Variants in PARPBP observed in about 807,000 individuals in gnomAD.
PARPBP encodes PARP1 binding protein, also known as PCNA-interacting partner.
In PARPBP, 52 loss-of-function variants were observed where a neutral mutation model predicts 50.0. The observed-to-expected ratio is 1.04, with a 90% CI of 0.83 to 1.31. PARPBP has a LOEUF of 1.31. Ranked by LOEUF, PARPBP falls within the 50% of genes most tolerant of loss-of-function variation. The probability of loss-of-function intolerance (pLI) is 0.00; values close to 1 mark genes in which losing one functional copy is unlikely to be tolerated. For missense variants in PARPBP, 697 were observed against 672.0 expected (o/e 1.04, Z -0.41); for synonymous variants, 244 against 232.1 (o/e 1.05, Z -0.47).
intron 3 of PARPBP, chr12:102,148,918 T>G (rs2138726494): frequency 6.5e-6 from 1 of 153,068 alleles, no homozygotes; most frequent in East Asian, 1.9e-4. Flanking sequence ...TTATGCAATA[T>G]ACATGAGATA....
chr12:102,123,493 T>C (rs1456912744), intron 1 of PARPBP, among the ~76,000 whole-genome samples: 2 of 151,676 alleles, frequency 1.3e-5, no homozygotes, highest in African/African-American at 2.4e-5. Flanking sequence ...AAATTGGCTT[T>C]TTAGGTTTTT....
intron 8 of PARPBP, among the ~76,000 whole-genome samples, chr12:102,180,442 C>G (rs1021217250): frequency 2.0e-5 from 3 of 152,140 alleles, no homozygotes; most frequent in African/African-American, 7.2e-5. Flanking sequence ...GTGTCTTATG[C>G]TAATAATCCC....
chr12:102,195,432 GA>G lies in PARPBP; in HGVS notation c.1388del (p.Asn463MetfsTer7). 2 of 1,588,442 alleles carry G rather than the reference GA, an allele frequency of 1.3e-6. No individual in the cohort carries two copies. Among genetic ancestry groups the G allele is most frequent in the Admixed American group, 1.8e-5 (1 of 56,902 alleles). ...AAAGCCTTTGTGTGTTCTTTACATG[GA>G]AAATGACCTTTCTGGTAATTGACCT... ...ASKPLCVLYM[E>X]NDLSEGVNPS... On this transcript the variant is annotated frameshift_variant, in exon 10 of 11. Coordinates refer to ENST00000327680, the MANE Select transcript of PARPBP (RefSeq NM_017915.5). LOFTEE classifies it low-confidence loss of function (END_TRUNC).
At chr12:102,182,668 T>G in intron 9 of PARPBP, 41 bp downstream of exon 9, 1 of 1,297,016 alleles carries the variant, frequency 7.7e-7, no homozygotes, top group Non-Finnish European at 1.1e-6. Flanking sequence ...AAACACTGTT[T>G]TATTTTTAGA....
chr12:102,130,322 G>C (rs1010312595), intron 2 of PARPBP, among the ~76,000 whole-genome samples: 1 of 152,194 alleles, frequency 6.6e-6, no homozygotes, highest in Admixed American at 6.5e-5. Flanking sequence ...TCTGGACACA[G>C]GCATGGGCAA....
At chr12:102,161,069 G>A (rs917019960) in intron 4 of PARPBP, among the ~76,000 whole-genome samples, 3 of 151,746 alleles carry the variant, frequency 2.0e-5, no homozygotes, top group East Asian at 3.9e-4. Context: ...TCTTTGTAAG[G>A]CACCATAATA....
intron 2 of PARPBP, among the ~76,000 whole-genome samples, chr12:102,132,761 C>CA (rs1454886179): frequency 6.6e-6 from 1 of 152,158 alleles, no homozygotes; most frequent in Non-Finnish European, 1.5e-5. Flanking sequence ...GACATTTTAA[C>CA]AATATTAATT....
At chr12:102,166,691 G>A (rs1888174349) in intron 6 of PARPBP, among the ~76,000 whole-genome samples, 1 of 152,040 alleles carries the variant, frequency 6.6e-6, no homozygotes, top group South Asian at 2.1e-4. Flanking sequence ...AGCAGAGTAG[G>A]GATCTGAACA....
intron 7 of PARPBP, among the ~76,000 whole-genome samples, chr12:102,176,046 G>A (rs1476410736): frequency 1.3e-5 from 2 of 151,000 alleles, no homozygotes; most frequent in Non-Finnish European, 2.9e-5. Flanking sequence ...GCAATGGCAC[G>A]ATCTTGGTTC....
At chr12:102,123,098 G>A (rs1301115490) in intron 1 of PARPBP, among the ~76,000 whole-genome samples, 1 of 152,178 alleles carries the variant, frequency 6.6e-6, no homozygotes, top group Non-Finnish European at 1.5e-5. Flanking sequence ...ATGTCTACCA[G>A]GGAAGCTTAT....
intron 9 of PARPBP, among the ~76,000 whole-genome samples, chr12:102,188,482 C>G (rs1454258515): frequency 1.3e-5 from 2 of 152,022 alleles, no homozygotes; most frequent in Non-Finnish European, 2.9e-5. Flanking sequence ...AAGTGCAACC[C>G]AGCTCTGATG....
intron 4 of PARPBP, 49 bp downstream of exon 4, chr12:102,154,025 A>C: frequency 9.0e-7 from 1 of 1,113,100 alleles, no homozygotes; most frequent in Non-Finnish European, 1.4e-6. Context: ...TCCCTTTCAA[A>C]TCACTGAATT....
At chr12:102,157,837 C>T (rs942811255) in intron 4 of PARPBP, among the ~76,000 whole-genome samples, 12 of 151,388 alleles carry the variant, frequency 7.9e-5, no homozygotes, top group African/African-American at 2.4e-4. Flanking sequence ...TAGTGAGCTT[C>T]TGGCCAGGCA....
chr12:102,127,905 A>C (rs1304972041), intron 2 of PARPBP, among the ~76,000 whole-genome samples: 1 of 152,210 alleles, frequency 6.6e-6, no homozygotes, highest in African/African-American at 2.4e-5. Context: ...TAGTTTTTTA[A>C]ATTGACAAAA....
intron 3 of PARPBP, chr12:102,152,113 C>T (rs779102109): frequency 3.7e-5 from 11 of 297,000 alleles, no homozygotes; most frequent in Non-Finnish European, 5.2e-5. Context: ...GCTGCTTCCT[C>T]GCTCCTCTTC....
intron 6 of PARPBP, among the ~76,000 whole-genome samples, chr12:102,172,806 A>G (rs977674822): frequency 6.6e-6 from 1 of 152,188 alleles, no homozygotes; most frequent in Non-Finnish European, 1.5e-5. Context: ...GATTTTATTA[A>G]CCATTTGAAT....
chr12:102,176,070 C>T (rs1204638678), intron 7 of PARPBP, among the ~76,000 whole-genome samples: 2 of 151,724 alleles, frequency 1.3e-5, no homozygotes, highest in Admixed American at 6.6e-5. Context: ...GCAACCTCTG[C>T]CTCCTGGGTT....
At chr12:102,175,780 C>A in intron 7 of PARPBP, 114 bp downstream of exon 7, 2 of 606,744 alleles carry the variant, frequency 3.3e-6, no homozygotes, top group Non-Finnish European at 5.3e-6. Flanking sequence ...TTCCTGTGTT[C>A]TAAAATGATA....
intron 4 of PARPBP, among the ~76,000 whole-genome samples, chr12:102,163,171 G>C (rs1887779740): frequency 6.6e-6 from 1 of 152,036 alleles, no homozygotes; most frequent in South Asian, 2.1e-4. Flanking sequence ...TATTTGTGTT[G>C]GTCTATTTCT....
Sources: allele counts gnomAD v4.1 joint callset (sites outside exome capture counted in the v4.1 genomes callset), GRCh38; gene constraint gnomAD v4.1.1; transcripts MANE v1.5; gene names NCBI Gene and HGNC (gene_info 2026-07-23, HGNC 2026-07-21).